Variants in PILRA observed in about 807,000 individuals in gnomAD.
PILRA encodes the protein paired immunoglobulin-like type 2 receptor alpha.
A neutral mutation model predicts 33.1 loss-of-function variants in PILRA; 37 were observed. That is an observed-to-expected ratio of 1.12 (90% CI 0.86 to 1.47). PILRA has a LOEUF of 1.47. PILRA is among the 40% of genes most tolerant of loss of function. The pLI, the probability that PILRA is intolerant of heterozygous loss-of-function variation, is 0.00. For synonymous variants in PILRA, 146 were observed against 149.9 expected (o/e 0.97, Z 0.19); for missense variants, 312 against 376.2 (o/e 0.83, Z 1.41).
intron 3 of PILRA, 138 bp downstream of exon 3, chr7:100,390,244 A>C (rs1791360682): frequency 1.4e-6 from 1 of 709,580 alleles, no homozygotes; most frequent in Admixed American, 2.4e-5. Flanking sequence ...TTCGTGGCCT[A>C]TGCTGAGGTG....
chr7:100,385,143 T>G (rs996436861), intron 2 of PILRA, among the ~76,000 whole-genome samples: 1 of 152,212 alleles, frequency 6.6e-6, no homozygotes, highest in East Asian at 1.9e-4. Context: ...AATATTCGCA[T>G]GCTGTTTAGA....
intron 2 of PILRA, among the ~76,000 whole-genome samples, chr7:100,383,026 G>A (rs1318449374): frequency 6.6e-6 from 1 of 152,188 alleles, no homozygotes; most frequent in African/African-American, 2.4e-5. Flanking sequence ...GTCAGGTGAT[G>A]GTGAAAAGAG....
In PILRA at chr7:100,399,609, CA is replaced by C; in HGVS notation, c.788del (p.Lys263ArgfsTer39). The part of the protein sequence containing the change: ...GQNTDPKLNP[K>X]DDGIVYASLA... ...AAAATACAGATCCCAAGCTAAATCC[CA>C]AGGTAAGCAATCAGACCAGGGCCTG... On this transcript the variant is annotated frameshift_variant and splice_region_variant, in exon 6 of 7. Transcript: ENST00000198536. LOFTEE classifies it low-confidence loss of function (END_TRUNC). The C allele has an allele frequency of 6.2e-7, 1 of 1,614,126 alleles. No homozygotes were observed. The highest frequency in any genetic ancestry group is 8.5e-7 in the Non-Finnish European group (1 of 1,180,018).
upstream of PILRA, among the ~76,000 whole-genome samples, chr7:100,371,426 T>A (rs1325724890): frequency 6.6e-6 from 1 of 152,130 alleles, no homozygotes; most frequent in Non-Finnish European, 1.5e-5. Flanking sequence ...ACAAAGCCTA[T>A]GGGATGTCGA....
chr7:100,399,681 G>A (rs543521006), intron 6 of PILRA, 69 bp downstream of exon 6: 115 of 1,611,790 alleles, frequency 7.1e-5, no homozygotes, highest in Non-Finnish European at 9.0e-5. Flanking sequence ...GAAGGGAGAA[G>A]GGGAGTGTGG....
intron 3 of PILRA, among the ~76,000 whole-genome samples, chr7:100,392,534 C>T (rs1345638167): frequency 6.6e-6 from 1 of 152,168 alleles, no homozygotes; most frequent in Admixed American, 6.6e-5. Flanking sequence ...ACAGGAGCAT[C>T]AGCAGTTAGA....
intron 3 of PILRA, 36 bp from the exon 4 acceptor site, chr7:100,397,843 G>C: frequency 6.2e-7 from 1 of 1,609,340 alleles, no homozygotes; most frequent in Non-Finnish European, 8.5e-7. Flanking sequence ...GCCATCACCC[G>C]GATGCCACCC....
chr7:100,387,625 G>C (rs1791282733), intron 2 of PILRA, among the ~76,000 whole-genome samples: 1 of 152,160 alleles, frequency 6.6e-6, no homozygotes, highest in African/African-American at 2.4e-5. Flanking sequence ...AGGATCACTT[G>C]AGCCCAGGAG....
chr7:100,380,149 A>G (rs1185221717), intron 2 of PILRA, among the ~76,000 whole-genome samples: 1 of 152,202 alleles, frequency 6.6e-6, no homozygotes, highest in Non-Finnish European at 1.5e-5. Flanking sequence ...CACCCCAGGG[A>G]TAACTGGCAA....
rs951143896 is a variant in PILRA, at chr7:100,397,823, G to A, written c.674-56G>A. On this transcript the variant is annotated intron_variant, in intron 3 of 6. Transcript: ENST00000198536. Reference sequence around the variant, plus strand: ...GCCTAGGGCGCAGCAGAGAAGGTGGGATGGAGACTGCCATCACCCGGATGC... The same window carrying A: ...GCCTAGGGCGCAGCAGAGAAGGTGGAATGGAGACTGCCATCACCCGGATGC... 2.5e-5 allele frequency: 39 copies of A among 1,578,352 alleles called. No individual in the cohort carries two copies. In the African/African-American group the frequency reaches 4.7e-4, roughly 19 times the overall value.
At chr7:100,382,556 A>G (rs1339756375) in intron 2 of PILRA, among the ~76,000 whole-genome samples, 2 of 151,702 alleles carry the variant, frequency 1.3e-5, no homozygotes, top group African/African-American at 4.8e-5. Context: ...GTCAAAACGG[A>G]CCAATCAGCT....
intron 3 of PILRA, among the ~76,000 whole-genome samples, chr7:100,393,707 C>A (rs1213911938): frequency 2.6e-5 from 4 of 152,160 alleles, no homozygotes; most frequent in African/African-American, 9.7e-5. Flanking sequence ...CTTTCTGATT[C>A]ACCAGCCCTG....
intron 2 of PILRA, among the ~76,000 whole-genome samples, chr7:100,381,907 G>A (rs1195335647): frequency 6.6e-6 from 1 of 152,216 alleles, no homozygotes; most frequent in African/African-American, 2.4e-5. Flanking sequence ...AGCAGTGCCA[G>A]CCCACCGGCG....
intron 2 of PILRA, chr7:100,374,755 T>C: frequency 4.8e-6 from 2 of 412,794 alleles, no homozygotes; most frequent in Non-Finnish European, 9.1e-6. Context: ...CAGCCTGGCC[T>C]CTCCCCATAA....
At chr7:100,384,633 T>TA (rs893246069) in intron 2 of PILRA, among the ~76,000 whole-genome samples, 5 of 151,656 alleles carry the variant, frequency 3.3e-5, no homozygotes, top group Middle Eastern at 3.4e-3. Flanking sequence ...AATTTTTTTT[T>TA]AAAAATTATC....
At chr7:100,390,229 C>CCA in intron 3 of PILRA, 123 bp downstream of exon 3, 1 of 820,156 alleles carries the variant, frequency 1.2e-6, no homozygotes, top group Non-Finnish European at 2.0e-6. Flanking sequence ...CCCACCGAGG[C>CCA]CGACTTCGTG....
intron 2 of PILRA, among the ~76,000 whole-genome samples, chr7:100,386,651 G>C (rs1791261307): frequency 6.6e-6 from 1 of 151,960 alleles, no homozygotes; most frequent in Admixed American, 6.6e-5. Context: ...TGAGTAGCTG[G>C]GACTATAGGC....
At chr7:100,374,608 T>C in intron 2 of PILRA, 175 bp downstream of exon 2, 1 of 716,088 alleles carries the variant, frequency 1.4e-6, no homozygotes, top group Non-Finnish European at 2.4e-6. Context: ...CTCTTCCCCT[T>C]GTCTCCACAA....
chr7:100,385,051 T>C (rs1036340960), intron 2 of PILRA, among the ~76,000 whole-genome samples: 2 of 151,864 alleles, frequency 1.3e-5, no homozygotes, highest in African/African-American at 4.8e-5. Context: ...ATAAAGAAAA[T>C]GGGGGTTTAA....
Sources: allele counts gnomAD v4.1 joint callset (sites outside exome capture counted in the v4.1 genomes callset), GRCh38; gene constraint gnomAD v4.1.1; transcripts MANE v1.5; gene names NCBI Gene and HGNC (gene_info 2026-07-23, HGNC 2026-07-21).